The following B3GALT1 variants were observed in gnomAD, a reference collection of about 807,000 sequenced individuals.
The protein encoded by B3GALT1 is UDP-Gal:betaGlcNAc beta 1,3-galactosyltransferase, polypeptide 1.
In B3GALT1, 10 loss-of-function variants were observed where a neutral mutation model predicts 23.2. The observed-to-expected ratio is 0.43, with a 90% CI of 0.27 to 0.73. The LOEUF is 0.73. Among genes scored for constraint, B3GALT1 ranks in the 30% least tolerant of loss-of-function variants. The pLI, the probability that B3GALT1 is intolerant of heterozygous loss-of-function variation, is 0.21. For missense variants in B3GALT1, 299 were observed against 405.4 expected, an observed-to-expected ratio of 0.74 and a Z score of 2.25; for synonymous variants, 156 against 141.5, an observed-to-expected ratio of 1.10 and a Z score of -0.73.
chr2:167,428,948 C>T (rs1384802028), intron 1 of B3GALT1, among the ~76,000 whole-genome samples: 1 of 151,892 alleles, frequency 6.6e-6, no homozygotes, highest in Non-Finnish European at 1.5e-5. Context: ...AAAGGGGATT[C>T]GAGGAGATTA....
intron 2 of B3GALT1, among the ~76,000 whole-genome samples, chr2:167,545,073 C>A (rs574457893): frequency 9.0e-6 from 1 of 111,612 alleles, no homozygotes; most frequent in African/African-American, 3.5e-5. Flanking sequence ...CTCGCTCTGT[C>A]GCCCAGGCTG....
At position 167,512,538 on chromosome 2, in the gene B3GALT1, ATATATATG is replaced by A. The variant is rs1262061678; in HGVS notation, c.-410+22269_-410+22276del. On this transcript the variant is annotated intron_variant, in intron 2 of 4. Coordinates refer to ENST00000392690, the MANE Select transcript of B3GALT1 (RefSeq NM_020981.4). ...TATACATATATATGTGTGTGTGTAT[ATATATATG>A]TATATATATGTATATATATATGTAT... Among the ~76,000 whole-genome samples the A allele has an allele frequency of 2.1e-3, 158 of 76,214 alleles. 2 individuals are homozygous for A. The highest frequency in any genetic ancestry group is 7.9e-3 in the African/African-American group (118 of 14,922). 50.0% of individuals were successfully genotyped at this position (76,214 alleles called of 152,430 possible). A position where few individuals can be genotyped will look rare whatever the true frequency, so the allele number is the denominator to read the frequency against.
At chr2:167,457,916 T>C (rs1007192055) in intron 1 of B3GALT1, among the ~76,000 whole-genome samples, 4 of 152,242 alleles carry the variant, frequency 2.6e-5, no homozygotes, top group Non-Finnish European at 5.9e-5. Flanking sequence ...CAGAAGATTC[T>C]GTACACACTT....
At chr2:167,447,454 G>A (rs114328771) in intron 1 of B3GALT1, among the ~76,000 whole-genome samples, 2,653 of 152,304 alleles carry the variant, frequency 0.017, 85 homozygotes, top group African/African-American at 0.061. Flanking sequence ...TGCCCTGTCT[G>A]CAGAGGTGGA....
At chr2:167,559,045 C>T (rs1345203819) in intron 2 of B3GALT1, among the ~76,000 whole-genome samples, 1 of 152,360 alleles carries the variant, frequency 6.6e-6, no homozygotes, top group African/African-American at 2.4e-5. Context: ...AGCAGCCTAA[C>T]TGGGAGGCAC....
chr2:167,662,660 G>C (rs776123896), intron 3 of B3GALT1, among the ~76,000 whole-genome samples: 13 of 151,886 alleles, frequency 8.6e-5, no homozygotes, highest in Non-Finnish European at 1.9e-4. Context: ...TAACTCCTCT[G>C]CTCACAGCCT....
At chr2:167,441,426 G>A (rs1698891726) in intron 1 of B3GALT1, among the ~76,000 whole-genome samples, 1 of 152,122 alleles carries the variant, frequency 6.6e-6, no homozygotes, top group African/African-American at 2.4e-5. Flanking sequence ...AGTCTCTGCT[G>A]CCTCAGGTCT....
chr2:167,750,003 TG>T (rs1394299827), intron 3 of B3GALT1, among the ~76,000 whole-genome samples: 7 of 152,236 alleles, frequency 4.6e-5, no homozygotes, highest in Non-Finnish European at 1.5e-5. Context: ...AAATTTGGCA[TG>T]AGAGTGTGTA....
At chr2:167,344,165 G>A (rs1330300833) in intron 1 of B3GALT1, among the ~76,000 whole-genome samples, 3 of 152,042 alleles carry the variant, frequency 2.0e-5, no homozygotes, top group Non-Finnish European at 4.4e-5. Flanking sequence ...GTGAACCATG[G>A]CCATAATTGA....
At chr2:167,545,179 T>C (rs975800835) in intron 2 of B3GALT1, among the ~76,000 whole-genome samples, 8 of 151,352 alleles carry the variant, frequency 5.3e-5, no homozygotes, top group African/African-American at 9.7e-5. Flanking sequence ...GGACTACAGG[T>C]GCCCGCCACC....
chr2:167,446,987 G>C (rs980063746), intron 1 of B3GALT1, among the ~76,000 whole-genome samples: 1 of 152,196 alleles, frequency 6.6e-6, no homozygotes, highest in South Asian at 2.1e-4. Context: ...CCCCATCTTT[G>C]TGGTTTTATC....
chr2:167,691,297 G>T (rs1311503180), intron 3 of B3GALT1, among the ~76,000 whole-genome samples: 1 of 152,080 alleles, frequency 6.6e-6, no homozygotes, highest in Non-Finnish European at 1.5e-5. Flanking sequence ...GGCCCATTTA[G>T]TCCTTCCCAT....
chr2:167,861,418 G>A (rs997368722), intron 4 of B3GALT1, among the ~76,000 whole-genome samples: 8 of 152,140 alleles, frequency 5.3e-5, no homozygotes, highest in South Asian at 2.1e-4. Context: ...TCTGGAGGCC[G>A]GAGGAATTTG....
At chr2:167,737,126 A>T (rs10930281) in intron 3 of B3GALT1, among the ~76,000 whole-genome samples, 78,998 of 152,020 alleles carry the variant, frequency 0.52, 22,190 homozygotes, top group Non-Finnish European at 0.64. Flanking sequence ...TCTTTCACAA[A>T]AATAATTTTG....
intron 3 of B3GALT1, among the ~76,000 whole-genome samples, chr2:167,759,160 C>T (rs192544242): frequency 2.1e-4 from 32 of 152,290 alleles, no homozygotes; most frequent in African/African-American, 7.0e-4. Flanking sequence ...ACTCCGTTCT[C>T]GAGGTTTCCA....
intron 1 of B3GALT1, among the ~76,000 whole-genome samples, chr2:167,463,668 T>C (rs1483917895): frequency 6.6e-6 from 1 of 152,176 alleles, no homozygotes; most frequent in African/African-American, 2.4e-5. Context: ...ATTTCAGTGC[T>C]TTCAAGATTA....
chr2:167,549,781 A>G (rs1335262105), intron 2 of B3GALT1, among the ~76,000 whole-genome samples: 3 of 152,196 alleles, frequency 2.0e-5, no homozygotes, highest in African/African-American at 4.8e-5. Context: ...TAATGTTAGC[A>G]TCAAATATTA....
chr2:167,545,278 GC>G (rs1683615996), intron 2 of B3GALT1, among the ~76,000 whole-genome samples: 1 of 151,546 alleles, frequency 6.6e-6, no homozygotes, highest in Admixed American at 6.6e-5. Context: ...CTTGTGATCC[GC>G]CCACCTCGGC....
At chr2:167,640,346 A>G (rs1057447604) in intron 2 of B3GALT1, among the ~76,000 whole-genome samples, 2 of 151,790 alleles carry the variant, frequency 1.3e-5, no homozygotes, top group Admixed American at 1.3e-4. Flanking sequence ...TCCTTAGAGC[A>G]CAGAGTTTTT....
Sources: gnomAD v4.1 joint callset for allele counts (sites outside exome capture counted in the v4.1 genomes callset) on GRCh38, gnomAD v4.1.1 for gene constraint, MANE v1.5 for transcripts, NCBI Gene and HGNC (gene_info 2026-07-23, HGNC 2026-07-21) for gene names.